The following PMS2 variants were observed in gnomAD, a reference collection of about 807,000 sequenced individuals.
PMS2 encodes PMS1 homolog 2, mismatch repair system component, also known as mismatch repair endonuclease PMS2.
In PMS2, 69 loss-of-function variants were observed where a neutral mutation model predicts 90.0. The observed-to-expected ratio is 0.77, with a 90% confidence interval of 0.63 to 0.94. PMS2 has a LOEUF of 0.94. PMS2 is among the 40% of genes least tolerant of loss of function. The probability of loss-of-function intolerance (pLI) is 0.00; values close to 1 mark genes in which losing one functional copy is unlikely to be tolerated. For missense variants in PMS2, 966 were observed against 1,040.2 expected, an observed-to-expected ratio of 0.93 and a Z score of 0.98; for synonymous variants, 332 against 375.1, an observed-to-expected ratio of 0.89 and a Z score of 1.33.
intron 6 of PMS2, among the ~76,000 whole-genome samples, chr7:5,998,022 G>T (rs967757131): frequency 1.3e-5 from 2 of 150,878 alleles, no homozygotes. Context: ...GTCTCTGGAA[G>T]AATAAAATGA....
At chr7:5,997,514 T>A in intron 6 of PMS2, 91 bp from the exon 7 acceptor site, 1 of 763,756 alleles carries the variant, frequency 1.3e-6, no homozygotes, top group Non-Finnish European at 2.2e-6. Flanking sequence ...CTATTGACAT[T>A]ACAAGCGCAA....
chr7:5,988,032 G>A (rs1431173831), intron 10 of PMS2, among the ~76,000 whole-genome samples: 1 of 118,164 alleles, frequency 8.5e-6, no homozygotes, highest in African/African-American at 3.2e-5. Flanking sequence ...CAGCCTGGGT[G>A]ACAGAGCAAC....
At chr7:6,004,434 G>A (rs777198011) in intron 2 of PMS2, 6 of 201,006 alleles carry the variant, frequency 3.0e-5, no homozygotes, top group Non-Finnish European at 6.1e-5. Flanking sequence ...AGAGAACGGG[G>A]ACCGGGTGCA....
intron 12 of PMS2, among the ~76,000 whole-genome samples, chr7:5,981,526 G>C (rs1271022102): frequency 1.3e-5 from 2 of 149,688 alleles, no homozygotes; most frequent in Non-Finnish European, 3.0e-5. Context: ...GATTACAGGC[G>C]TGTGCCCCTG....
chr7:6,005,352 C>G (rs1441380285), intron 2 of PMS2, among the ~76,000 whole-genome samples: 6 of 152,138 alleles, frequency 3.9e-5, no homozygotes, highest in African/African-American at 1.4e-4. Context: ...TTACAGGCTT[C>G]TGCCACCAGG....
chr7:5,978,727 T>A, intron 12 of PMS2, 31 bp from the exon 13 acceptor site: 1 of 1,502,834 alleles, frequency 6.7e-7, no homozygotes, highest in East Asian at 2.3e-5. Context: ...TCAAACCATA[T>A]CCTGAAGTCA....
At chr7:6,005,450 C>T (rs1450101624) in intron 2 of PMS2, among the ~76,000 whole-genome samples, 1 of 152,120 alleles carries the variant, frequency 6.6e-6, no homozygotes, top group Non-Finnish European at 1.5e-5. Context: ...GGTATCCACC[C>T]GCCTTGGCCT....
At chr7:5,985,242 C>T (rs1018130632) in intron 11 of PMS2, among the ~76,000 whole-genome samples, 14 of 150,274 alleles carry the variant, frequency 9.3e-5, no homozygotes, top group Admixed American at 4.7e-4. Flanking sequence ...GGACTACAGG[C>T]GTACAGCAAT....
chr7:5,999,781 G>A (rs1312074289), intron 5 of PMS2, among the ~76,000 whole-genome samples: 4 of 152,120 alleles, frequency 2.6e-5, no homozygotes, highest in Non-Finnish European at 5.9e-5. Context: ...CGGTGACAGA[G>A]TGAGGCCCTA....
chr7:6,001,875 T>C (rs12702464), intron 5 of PMS2: 29,014 of 151,904 alleles, frequency 0.19, 3,011 homozygotes, highest in Middle Eastern at 0.31. Context: ...CGCCTGTAAT[T>C]GCAGCTACTC....
In PMS2 at chr7:5,991,524, C is replaced by T. The variant is rs143515654; in HGVS notation, c.988+449G>A. On this transcript the variant is annotated intron_variant, in intron 9 of 14. Transcript: ENST00000265849. ...AATTAACATAGTCTCAAGTAGAAAG[C>T]GGGAACTCTGTTTAAAAAAAAAAAA... Among the ~76,000 whole-genome samples, 11 of 149,642 alleles carry T rather than the reference C, an allele frequency of 7.4e-5. No individual in the cohort carries two copies. In the East Asian group the frequency reaches 1.6e-3, roughly 21 times the overall value.
chr7:5,977,749 T>C lies in PMS2; in HGVS notation c.2284A>G (p.Thr762Ala). 3.7e-6 allele frequency: 6 copies of C among 1,605,632 alleles called. No individual in the cohort carries two copies. Among genetic ancestry groups the C allele is most frequent in the Non-Finnish European group, 5.1e-6 (6 of 1,174,170 alleles). The change falls in exon 14 of 15, where the codon ACT (threonine) becomes GCT (alanine). Residue 762 changes from threonine (T) to alanine (A), a missense_variant. Thr to Ala is a moderately conservative substitution (Grantham distance 58). This residue lies in a region of PMS2 where 95 missense variants were observed against 237.8 expected (regional missense o/e 0.40). Coordinates refer to ENST00000265849, the MANE Select transcript of PMS2 (RefSeq NM_000535.7). ...DFVIDENAPV[T>A]ERAKLISLPT... ...AAGGAAATCAGTTTAGCCCTTTCAG[T>C]GACTGGAGCTAAAAGAATACAATTT...
chr7:6,001,448 G>A (rs977483957), intron 5 of PMS2, among the ~76,000 whole-genome samples: 2 of 145,794 alleles, frequency 1.4e-5, no homozygotes, highest in East Asian at 4.0e-4. Context: ...TCGGCTCACC[G>A]CAACCTCTGC....
chr7:6,004,284 C>G, intron 2 of PMS2: 3 of 419,818 alleles, frequency 7.1e-6, no homozygotes, highest in South Asian at 3.1e-5. Context: ...TTTTTTTTCC[C>G]TAGGCTAGTG....
At chr7:5,983,037 T>C in intron 11 of PMS2, 46 bp from the exon 12 acceptor site, 5 of 1,534,808 alleles carry the variant, frequency 3.3e-6, no homozygotes, top group Non-Finnish European at 4.4e-6. Context: ...CAAGATTATT[T>C]TTCTGATTAT....
chr7:5,981,181 G>A (rs1412101519), intron 12 of PMS2, among the ~76,000 whole-genome samples: 4 of 151,770 alleles, frequency 2.6e-5, no homozygotes, highest in Non-Finnish European at 5.9e-5. Flanking sequence ...CGAGGAGAGA[G>A]AAATACCAAA....
In PMS2 at chr7:6,008,998, T is replaced by A. The variant is rs772406975; in HGVS notation, c.22A>T (p.Ser8Cys). The A allele has an allele frequency of 6.2e-7, 1 of 1,612,458 alleles. No individual in the cohort carries two copies. Among genetic ancestry groups the A allele is most frequent in the Non-Finnish European group, 8.5e-7 (1 of 1,179,816 alleles). ...CGGAAGACTGCGAGCCCCGCTCACC[T>A]CGAGCTCTCAGCTCGCTCCATGGAT... MERAESSSTEPAKAIKPI... is the reference protein window; with the variant it reads MERAESSCTEPAKAIKPI... Residue 8 changes from serine (S) to cysteine (C), a missense_variant and splice_region_variant, in exon 1 of 15, where the codon AGT (serine) becomes TGT (cysteine). Physicochemically the swap from Ser to Cys is moderately radical, Grantham distance 112. Around this residue, in one of 2 missense-constraint regions of PMS2, gnomAD observed 871 missense variants for 802.4 expected, o/e 1.09. Coordinates refer to ENST00000265849, the MANE Select transcript of PMS2 (RefSeq NM_000535.7).
chr7:5,987,636 C>A lies in PMS2; in HGVS notation c.1145-16G>T, dbSNP rs576825560. ...ATTAAGTTACCTAAGCAAACGTGGA[C>A]GGAGAAGAGGGTCAGGGACTATCCT... On this transcript the variant is annotated splice_polypyrimidine_tract_variant and intron_variant, in intron 10 of 14. Coordinates refer to ENST00000265849, the MANE Select transcript of PMS2 (RefSeq NM_000535.7). 3.9e-6 allele frequency: 6 copies of A among 1,540,050 alleles called. No homozygotes were observed. The Admixed American group carries it at 1.0e-4, about 26-fold the overall frequency.
At chr7:5,989,701 G>T (rs955026082) in intron 10 of PMS2, 99 bp downstream of exon 10, 3 of 860,480 alleles carry the variant, frequency 3.5e-6, no homozygotes, top group Non-Finnish European at 3.8e-6. Context: ...TAATATAAGA[G>T]ACTTTGTTTT....
Sources: gnomAD v4.1 joint callset for allele counts (sites outside exome capture counted in the v4.1 genomes callset) on GRCh38, gnomAD v4.1.1 for gene constraint, gnomAD v4.1.1 regional missense constraint, MANE v1.5 for transcripts, NCBI Gene and HGNC (gene_info 2026-07-23, HGNC 2026-07-21) for gene names.